The following SDC3 variants were observed in gnomAD, a reference collection of about 807,000 sequenced individuals.
SDC3 encodes the protein syndecan-3.
A neutral mutation model predicts 24.4 loss-of-function variants in SDC3; 13 were observed. The ratio of observed to expected loss-of-function variants is 0.53; its 90% CI spans 0.35 to 0.85. The LOEUF (loss-of-function observed/expected upper bound fraction) is 0.85, where lower values mean the gene tolerates loss of function less well. Ranked by LOEUF, SDC3 falls within the 40% of genes least tolerant of loss-of-function variation. The probability of loss-of-function intolerance (pLI) is 0.01; values close to 1 mark genes in which losing one functional copy is unlikely to be tolerated. For synonymous variants in SDC3, 295 were observed against 260.9 expected, an observed-to-expected ratio of 1.13 and a Z score of -1.26; for missense variants, 571 against 584.5, an observed-to-expected ratio of 0.98 and a Z score of 0.24.
intron 1 of SDC3, among the ~76,000 whole-genome samples, chr1:30,889,486 C>G (rs181739991): frequency 1.8e-4 from 28 of 152,312 alleles, no homozygotes; most frequent in Non-Finnish European, 3.4e-4. Flanking sequence ...CCTTGATGCT[C>G]CCTGTCTCCC....
upstream of SDC3, among the ~76,000 whole-genome samples, chr1:30,908,982 C>G (rs1638596588): frequency 6.6e-6 from 1 of 151,886 alleles, no homozygotes; most frequent in South Asian, 2.1e-4. Flanking sequence ...CCTCGCCGAT[C>G]CCGGGGCTGG....
At chr1:30,896,424 A>G (rs1219237338) in intron 1 of SDC3, among the ~76,000 whole-genome samples, 1 of 152,114 alleles carries the variant, frequency 6.6e-6, no homozygotes, top group African/African-American at 2.4e-5. Context: ...AGAGGCACCT[A>G]GGAACCTAGA....
chr1:30,875,873 G>A (rs1639628690), intron 3 of SDC3, among the ~76,000 whole-genome samples: 1 of 152,190 alleles, frequency 6.6e-6, no homozygotes, highest in South Asian at 2.1e-4. Flanking sequence ...GATGACCACA[G>A]TGCTGCCCGT....
chr1:30,874,652 C>T, intron 3 of SDC3, 64 bp from the exon 4 acceptor site: 1 of 1,488,310 alleles, frequency 6.7e-7, no homozygotes, highest in Non-Finnish European at 9.3e-7. Flanking sequence ...CCACCACCAT[C>T]CTACTGCCCT....
chr1:30,906,480 C>T (rs1638522090), intron 1 of SDC3, among the ~76,000 whole-genome samples: 1 of 152,214 alleles, frequency 6.6e-6, no homozygotes, highest in Non-Finnish European at 1.5e-5. Context: ...CTAAGTCCTT[C>T]CACCACCTCG....
intron 1 of SDC3, among the ~76,000 whole-genome samples, chr1:30,891,522 C>T (rs1293465756): frequency 6.6e-6 from 1 of 152,200 alleles, no homozygotes; most frequent in Non-Finnish European, 1.5e-5. Context: ...ACCCCTTAGG[C>T]CCTGTCTTGA....
chr1:30,905,388 C>T (rs1406781178), intron 1 of SDC3, among the ~76,000 whole-genome samples: 2 of 143,614 alleles, frequency 1.4e-5, no homozygotes, highest in Non-Finnish European at 1.5e-5. Context: ...CACACACACA[C>T]GTCTCCCACC....
At chr1:30,898,597 G>A (rs193214774) in intron 1 of SDC3, among the ~76,000 whole-genome samples, 46 of 152,282 alleles carry the variant, frequency 3.0e-4, no homozygotes, top group African/African-American at 1.1e-3. Flanking sequence ...AGCGTGATGG[G>A]CAAGGAAAGA....
intron 1 of SDC3, among the ~76,000 whole-genome samples, chr1:30,892,361 A>G (rs1400667907): frequency 6.6e-6 from 1 of 152,114 alleles, no homozygotes; most frequent in African/African-American, 2.4e-5. Context: ...TAGTCACACC[A>G]GCTTGGCCCC....
chr1:30,881,917 G>A (rs1209836211), intron 1 of SDC3, among the ~76,000 whole-genome samples: 1 of 152,082 alleles, frequency 6.6e-6, no homozygotes, highest in African/African-American at 2.4e-5. Context: ...TCTGTGCCCC[G>A]CAGCTGCCCT....
At chr1:30,877,693 G>A (rs964625815) in intron 2 of SDC3, 6 of 163,534 alleles carry the variant, frequency 3.7e-5, no homozygotes, top group Non-Finnish European at 7.9e-5. Flanking sequence ...AGCCGGGACA[G>A]TGAAGGAACT....
chr1:30,907,849 C>T (rs12126098), intron 1 of SDC3, among the ~76,000 whole-genome samples: 51,566 of 152,124 alleles, frequency 0.34, 9,581 homozygotes, highest in Non-Finnish European at 0.42. Flanking sequence ...GGGCCCACTG[C>T]CCTGGCCGGC....
At chr1:30,877,590 A>G (rs1170020558) in intron 2 of SDC3, 1 of 313,582 alleles carries the variant, frequency 3.2e-6, no homozygotes, top group Non-Finnish European at 5.9e-6. Context: ...GGGGTGGTAC[A>G]CTAAGGGCTT....
In SDC3 at chr1:30,905,473, G is replaced by T. The variant is rs115566762; in HGVS notation, c.138+2976C>A. Among the ~76,000 whole-genome samples, 731 of 145,058 alleles carry T rather than the reference G, an allele frequency of 5.0e-3. 7 individuals carry two copies. Among genetic ancestry groups the T allele is most frequent in the African/African-American group, 0.017 (698 of 39,956 alleles). On this transcript the variant is annotated intron_variant, in intron 1 of 4. Coordinates refer to ENST00000339394, the MANE Select transcript of SDC3 (RefSeq NM_014654.4). ...GTAAAAGAACAAGAAATCCATATTT[G>T]TTGAGCCCTTAGTAGGTGCCAGCCA...
At chr1:30,877,792 G>A (rs1639674627) in intron 2 of SDC3, 1 of 154,430 alleles carries the variant, frequency 6.5e-6, no homozygotes, top group Non-Finnish European at 1.4e-5. Flanking sequence ...AGGGAGGGGA[G>A]CCAGGGAACT....
At chr1:30,892,530 G>A (rs1639922873) in intron 1 of SDC3, among the ~76,000 whole-genome samples, 2 of 152,204 alleles carry the variant, frequency 1.3e-5, no homozygotes, top group Non-Finnish European at 2.9e-5. Context: ...TGTGGGAGAG[G>A]AACTGGGCTA....
At chr1:30,895,834 G>A (rs534405100) in intron 1 of SDC3, among the ~76,000 whole-genome samples, 144 of 144,180 alleles carry the variant, frequency 1.0e-3, no homozygotes, top group Middle Eastern at 3.5e-3. Flanking sequence ...AGAGCAGGGG[G>A]AGGAAGCGAG....
chr1:30,894,586 T>C (rs1256070889), intron 1 of SDC3, among the ~76,000 whole-genome samples: 3 of 138,082 alleles, frequency 2.2e-5, no homozygotes, highest in African/African-American at 8.5e-5. Context: ...ATGTGTGGGC[T>C]ACGTGTGTGT....
intron 3 of SDC3, among the ~76,000 whole-genome samples, chr1:30,876,346 T>C (rs537873193): frequency 2.3e-4 from 35 of 152,208 alleles, no homozygotes; most frequent in Admixed American, 3.9e-4. Context: ...CCCATCCCAT[T>C]AGGATCCAAC....
Sources: gnomAD v4.1 joint callset for allele counts (sites outside exome capture counted in the v4.1 genomes callset) on GRCh38, gnomAD v4.1.1 for gene constraint, MANE v1.5 for transcripts, NCBI Gene and HGNC (gene_info 2026-07-23, HGNC 2026-07-21) for gene names.